AGMO: variants seen among roughly 807,000 people sequenced by gnomAD.
AGMO encodes glyceryl-ether monooxygenase.
AGMO carries 75 observed loss-of-function variants against 60.2 expected under a neutral mutation model. The observed-to-expected ratio is 1.25, with a 90% confidence interval of 1.03 to 1.51. The LOEUF is 1.51. Among genes scored for constraint, AGMO ranks in the 40% most tolerant of loss-of-function variants. The pLI is 0.00. For missense variants in AGMO, 763 were observed against 525.5 expected (o/e 1.45, Z -4.42); for synonymous variants, 261 against 177.1 (o/e 1.47, Z -3.76).
the AGMO span, among the ~76,000 whole-genome samples, chr7:15,179,108 C>G: frequency 6.6e-6 from 1 of 152,118 alleles, no homozygotes; most frequent in African/African-American, 2.4e-5. Flanking sequence ...TTGGTGGGGA[C>G]ATTTGAACCA....
intron 5 of AGMO, among the ~76,000 whole-genome samples, chr7:15,397,324 G>T (rs1025905038): frequency 1.3e-5 from 2 of 151,726 alleles, no homozygotes; most frequent in African/African-American, 4.8e-5. Flanking sequence ...ACCCGCAGCC[G>T]CCCGGAACCC....
chr7:15,198,572 T>C (rs1248378578), downstream of AGMO, among the ~76,000 whole-genome samples: 1 of 152,190 alleles, frequency 6.6e-6, no homozygotes, highest in Admixed American at 6.5e-5. Context: ...CAGAGCCAGC[T>C]GAATAGGAGA....
intron 12 of AGMO, among the ~76,000 whole-genome samples, chr7:15,317,887 GTA>G (rs149973646): frequency 0.016 from 1,970 of 124,798 alleles, 51 homozygotes; most frequent in African/African-American, 0.057. Context: ...ATATACACAC[GTA>G]TATATATACA....
intron 2 of AGMO, among the ~76,000 whole-genome samples, chr7:15,551,929 G>T (rs895757050): frequency 2.6e-5 from 4 of 151,242 alleles, no homozygotes; most frequent in African/African-American, 7.3e-5. Context: ...ATACTACAAG[G>T]CTACAGTAAC....
intron 12 of AGMO, among the ~76,000 whole-genome samples, chr7:15,242,989 G>A (rs533413504): frequency 2.6e-5 from 4 of 152,024 alleles, no homozygotes; most frequent in African/African-American, 9.6e-5. Flanking sequence ...TAAGAACTGG[G>A]GCAAGATGTC....
At chr7:15,216,836 G>A (rs1781755762) in intron 12 of AGMO, among the ~76,000 whole-genome samples, 2 of 139,618 alleles carry the variant, frequency 1.4e-5, no homozygotes, top group African/African-American at 6.5e-5. Context: ...AAGAAAAAGT[G>A]TGTGTGTGTG....
At chr7:15,326,707 G>T (rs1322914785) in intron 12 of AGMO, among the ~76,000 whole-genome samples, 1 of 152,064 alleles carries the variant, frequency 6.6e-6, no homozygotes, top group African/African-American at 2.4e-5. Flanking sequence ...CCTATGAAAT[G>T]GATATAAGCT....
chr7:15,283,210 G>T (rs1299417565), intron 12 of AGMO, among the ~76,000 whole-genome samples: 4 of 151,942 alleles, frequency 2.6e-5, no homozygotes, highest in African/African-American at 4.8e-5. Flanking sequence ...ATAACATTTT[G>T]CCTGAAATAA....
At chr7:15,492,252 G>C (rs1214765576) in intron 3 of AGMO, among the ~76,000 whole-genome samples, 2 of 151,452 alleles carry the variant, frequency 1.3e-5, no homozygotes, top group Admixed American at 1.3e-4. Context: ...CCTATATCCA[G>C]AGTTTGTAGT....
intron 3 of AGMO, among the ~76,000 whole-genome samples, chr7:15,497,900 A>G (rs897359656): frequency 1.3e-5 from 2 of 152,016 alleles, no homozygotes; most frequent in Non-Finnish European, 2.9e-5. Context: ...AGATTTAAAG[A>G]CCAATGCCTC....
chr7:15,271,978 G>T (rs1403171567), intron 12 of AGMO, among the ~76,000 whole-genome samples: 1 of 151,934 alleles, frequency 6.6e-6, no homozygotes, highest in South Asian at 2.1e-4. Flanking sequence ...TTATTGATTT[G>T]CATGGTTGTT....
intron 12 of AGMO, among the ~76,000 whole-genome samples, chr7:15,297,064 TCTCA>T (rs534344006): frequency 1.4e-5 from 2 of 144,834 alleles, no homozygotes; most frequent in Admixed American, 6.8e-5. Context: ...TCTCTCTCTC[TCTCA>T]CACACACAGA....
intron 3 of AGMO, among the ~76,000 whole-genome samples, chr7:15,516,636 T>C (rs1783814091): frequency 6.6e-6 from 1 of 152,234 alleles, no homozygotes; most frequent in Non-Finnish European, 1.5e-5. Context: ...ATTGTAACCT[T>C]ATACATCTGT....
rs139554246 is a variant in AGMO at position 15,432,328 on chromosome 7, G to GTATA, written c.410-1224_410-1221dup. 3.6e-4 allele frequency among the ~76,000 whole-genome samples: 27 copies of GTATA among 75,438 alleles called. 1 individual carries two copies. The highest frequency in any genetic ancestry group is 2.1e-3 in the East Asian group (7 of 3,276). The allele number at this position is 75,438 out of a possible 152,430, so 49.5% of individuals were successfully genotyped here. ...GTCATATATATGTGTGTGTATATATGTATATATATATATATATACATACAT... is the reference window on the plus strand; with the variant it reads ...GTCATATATATGTGTGTGTATATATGTATATATATATATATATATATACATACAT... On this transcript the variant is annotated intron_variant, in intron 3 of 12. Coordinates refer to ENST00000342526, the MANE Select transcript of AGMO (RefSeq NM_001004320.2).
intron 12 of AGMO, among the ~76,000 whole-genome samples, chr7:15,299,202 T>A (rs1459805736): frequency 1.3e-5 from 2 of 152,090 alleles, no homozygotes; most frequent in African/African-American, 4.8e-5. Context: ...TCACTATGCA[T>A]CAGTTATCTC....
chr7:15,502,426 T>C (rs889286058), intron 3 of AGMO, among the ~76,000 whole-genome samples: 3 of 151,912 alleles, frequency 2.0e-5, no homozygotes, highest in African/African-American at 7.3e-5. Flanking sequence ...GAGAGACAAT[T>C]TATAATAAAC....
chr7:15,550,991 TG>T (rs1784940023), intron 2 of AGMO, among the ~76,000 whole-genome samples: 1 of 139,876 alleles, frequency 7.1e-6, no homozygotes, highest in Non-Finnish European at 1.5e-5. Context: ...GCTTCATCCC[TG>T]GGATGCAAGG....
chr7:15,440,691 A>T (rs1367483944), intron 3 of AGMO, among the ~76,000 whole-genome samples: 1 of 152,202 alleles, frequency 6.6e-6, no homozygotes, highest in African/African-American at 2.4e-5. Context: ...TATAGTCGTC[A>T]TTCAAAGCAG....
intron 12 of AGMO, among the ~76,000 whole-genome samples, chr7:15,305,612 A>G (rs7800933): frequency 0.42 from 63,389 of 151,766 alleles, 14,879 homozygotes; most frequent in Non-Finnish European, 0.53. Flanking sequence ...TCAAAATTAC[A>G]TTCCTATATA....
Sources: allele counts gnomAD v4.1 joint callset (sites outside exome capture counted in the v4.1 genomes callset), GRCh38; gene constraint gnomAD v4.1.1; transcripts MANE v1.5; gene names NCBI Gene and HGNC (gene_info 2026-07-23, HGNC 2026-07-21).